Variants in LIPA observed in about 807,000 individuals in gnomAD.
LIPA encodes the protein lysosomal acid lipase/cholesteryl ester hydrolase.
Under a neutral mutation model 40.6 loss-of-function variants are expected in LIPA, and 26 were observed. The observed-to-expected ratio is 0.64, with a 90% CI of 0.47 to 0.89. LIPA has a LOEUF of 0.89. LIPA is among the 40% of genes least tolerant of loss of function. The pLI is 0.00. For missense variants in LIPA, 455 were observed against 479.6 expected (o/e 0.95, Z 0.48); for synonymous variants, 188 against 168.4 (o/e 1.12, Z -0.90).
intron 1 of LIPA, among the ~76,000 whole-genome samples, chr10:89,282,966 T>C (rs147267189): frequency 6.6e-6 from 1 of 152,348 alleles, no homozygotes; most frequent in African/African-American, 2.4e-5. Flanking sequence ...AATGGCCATA[T>C]TTCACATGAG....
In LIPA at chr10:89,398,737, A is replaced by C. The variant is rs551335882; in HGVS notation, c.61+14054T>G. ...TTTCTTTTTTAAGGCTGAATATTCC[A>C]TTGTATGTATATACCACATTTTGTT... On this transcript the variant is annotated intron_variant, in intron 2 of 8. Transcript: ENST00000371837. Among the ~76,000 whole-genome samples the C allele has an allele frequency of 1.5e-4, 23 of 152,328 alleles. No homozygotes were observed. The East Asian group carries it at 4.2e-3, about 28-fold the overall frequency.
chr10:89,321,513 C>T (rs1237102314), intron 1 of LIPA, among the ~76,000 whole-genome samples: 1 of 152,218 alleles, frequency 6.6e-6, no homozygotes, highest in Non-Finnish European at 1.5e-5. Flanking sequence ...ATCAAAACCA[C>T]AATGAGATGC....
At chr10:89,413,107 T>C (rs547253738) in intron 1 of LIPA, among the ~76,000 whole-genome samples, 6 of 152,300 alleles carry the variant, frequency 3.9e-5, no homozygotes, top group African/African-American at 1.4e-4. Context: ...ACATGCAGTG[T>C]TTGGTTTCTG....
At chr10:89,365,370 C>T (rs923869663) in intron 2 of LIPA, among the ~76,000 whole-genome samples, 1 of 152,130 alleles carries the variant, frequency 6.6e-6, no homozygotes, top group Non-Finnish European at 1.5e-5. Context: ...CAGATGAGTA[C>T]TTGCAAAACT....
At chr10:89,367,345 T>C (rs1278207851) in intron 2 of LIPA, among the ~76,000 whole-genome samples, 3 of 152,104 alleles carry the variant, frequency 2.0e-5, no homozygotes, top group Non-Finnish European at 2.9e-5. Context: ...AAGACAGAGA[T>C]CTGCTGATTA....
intron 1 of LIPA, among the ~76,000 whole-genome samples, chr10:89,257,366 G>A (rs1424209235): frequency 6.6e-6 from 1 of 152,136 alleles, no homozygotes; most frequent in Non-Finnish European, 1.5e-5. Context: ...GTAGTGGTGT[G>A]TGTGTGTGTG....
chr10:89,394,579 T>A (rs1324585131), intron 2 of LIPA, among the ~76,000 whole-genome samples: 117 of 17,258 alleles, frequency 6.8e-3, no homozygotes, highest in African/African-American at 0.024. Flanking sequence ...TACAGGAAAA[T>A]ATATATATAT....
Position 89,237,463 on chromosome 10 carries a change from T to A in LIPA, c.229+8213A>T, listed in dbSNP as rs568647487. Among the ~76,000 whole-genome samples the A allele has an allele frequency of 3.1e-3, 466 of 150,650 alleles. 2 individuals are homozygous for A. The highest frequency in any genetic ancestry group is 8.2e-3 in the African/African-American group (333 of 40,418). On this transcript the variant is annotated intron_variant, in intron 3 of 9. Transcript: ENST00000336233. ...AGTGTTCCATTCTAACAAAAAAAAA[T>A]ATATATATATATCCCACAAAGGACG...
intron 7 of LIPA, among the ~76,000 whole-genome samples, chr10:89,223,000 A>G (rs140342308): frequency 3.3e-5 from 5 of 152,156 alleles, no homozygotes; most frequent in African/African-American, 1.2e-4. Flanking sequence ...AAACTAACAA[A>G]CATATTTAGA....
At chr10:89,403,150 GGCTTT>G (rs1204332548) in intron 2 of LIPA, 7 of 1,613,956 alleles carry the variant, frequency 4.3e-6, no homozygotes, top group Non-Finnish European at 5.9e-6. Flanking sequence ...CACCAGATAG[GGCTTT>G]GCTACAAGGC....
At chr10:89,254,620 A>G (rs1564769874), upstream of LIPA, among the ~76,000 whole-genome samples, 1 of 152,192 alleles carries the variant, frequency 6.6e-6, no homozygotes, top group Non-Finnish European at 1.5e-5. Context: ...CTCATTACTT[A>G]TGCAAATTTC....
intron 2 of LIPA, among the ~76,000 whole-genome samples, chr10:89,386,983 G>A (rs1844214915): frequency 6.6e-6 from 1 of 151,900 alleles, no homozygotes; most frequent in African/African-American, 2.4e-5. Flanking sequence ...GAGAGAGAGA[G>A]AGAGTGTGTG....
chr10:89,399,109 T>C (rs1844385844), intron 2 of LIPA, among the ~76,000 whole-genome samples: 1 of 152,228 alleles, frequency 6.6e-6, no homozygotes, highest in Non-Finnish European at 1.5e-5. Flanking sequence ...TTTATTTGCA[T>C]TTCACTAATG....
At chr10:89,215,137 T>G in intron 9 of LIPA, 76 bp from the exon 10 acceptor site, 1 of 1,048,470 alleles carries the variant, frequency 9.5e-7, no homozygotes, top group Non-Finnish European at 1.5e-6. Context: ...AAGCGCAATC[T>G]CCATTAAACA....
At chr10:89,317,417 G>T (rs534125983) in intron 1 of LIPA, among the ~76,000 whole-genome samples, 1 of 152,136 alleles carries the variant, frequency 6.6e-6, no homozygotes, top group Non-Finnish European at 1.5e-5. Context: ...ACTATATGAC[G>T]CATGCACAAC....
intron 2 of LIPA, chr10:89,384,083 C>T (rs199716259): frequency 4.3e-6 from 7 of 1,614,188 alleles, no homozygotes; most frequent in Non-Finnish European, 5.9e-6. Context: ...TTTCAATATG[C>T]AGCCAAGTTT....
Position 89,248,437 on chromosome 10 carries a change from ATTTTATATTTATTTAT to A in LIPA, c.-1-804_-1-789del, listed in dbSNP as rs57347356. 9.5e-4 allele frequency among the ~76,000 whole-genome samples: 127 copies of A among 133,272 alleles called. 1 individual carries two copies. The South Asian group carries it at 0.01, about 11-fold the overall frequency. The allele number at this position is 133,272 out of a possible 152,430, so 87.4% of individuals were successfully genotyped here. A position where few individuals can be genotyped will look rare whatever the true frequency, so the allele number is the denominator to read the frequency against. The stretch of plus-strand genomic sequence containing the variant: ...TCCCAAAGGAATTATTATTATTATT[ATTTTATATTTATTTAT>A]TTATTTATTTATTTATTTATTTATT... On this transcript the variant is annotated intron_variant, in intron 1 of 9. Coordinates refer to ENST00000336233, the MANE Select transcript of LIPA (RefSeq NM_000235.4).
At chr10:89,367,351 G>A (rs373519446) in intron 2 of LIPA, among the ~76,000 whole-genome samples, 1 of 152,168 alleles carries the variant, frequency 6.6e-6, no homozygotes, top group African/African-American at 2.4e-5. Context: ...GAGATCTGCT[G>A]ATTAGAGATT....
At chr10:89,379,812 A>G (rs1844149086) in intron 2 of LIPA, among the ~76,000 whole-genome samples, 1 of 152,140 alleles carries the variant, frequency 6.6e-6, no homozygotes, top group Non-Finnish European at 1.5e-5. Flanking sequence ...AGATGGGCAG[A>G]TCACGAGGTC....
Sources: allele counts gnomAD v4.1 joint callset (sites outside exome capture counted in the v4.1 genomes callset), GRCh38; gene constraint gnomAD v4.1.1; transcripts MANE v1.5; gene names NCBI Gene and HGNC (gene_info 2026-07-23, HGNC 2026-07-21).